The following SOX6 variants were observed in gnomAD, a reference collection of about 807,000 sequenced individuals.
The protein encoded by SOX6 is transcription factor SOX-6.
Under a neutral mutation model 97.8 loss-of-function variants are expected in SOX6, and 11 were observed. That is an observed-to-expected ratio of 0.11 (90% confidence interval 0.07 to 0.19). The LOEUF is 0.19. Ranked by LOEUF, SOX6 falls within the 10% of genes least tolerant of loss-of-function variation. SOX6 has a pLI of 1.00. For synonymous variants in SOX6, 360 were observed against 371.4 expected, an observed-to-expected ratio of 0.97 and a Z score of 0.35; for missense variants, 810 against 1,039.5, an observed-to-expected ratio of 0.78 and a Z score of 3.04.
rs749167637 is a variant in SOX6 at position 15,972,768 on chromosome 11, G to C, written c.*41C>G. 2 of 1,607,186 alleles carry C rather than the reference G, an allele frequency of 1.2e-6. No homozygotes were observed. Among genetic ancestry groups the C allele is most frequent in the East Asian group, 2.2e-5 (1 of 44,830 alleles). On this transcript the variant is annotated 3_prime_UTR_variant, in exon 16 of 16. Transcript: ENST00000683767. Reference sequence around the variant, plus strand: ...TAATAACTCTTTGTTGGGGAGGGGGGTGAAATGTCAGAGTACTTTAATTCA... The same window carrying C: ...TAATAACTCTTTGTTGGGGAGGGGGCTGAAATGTCAGAGTACTTTAATTCA...
chr11:16,402,789 G>T (rs777681270), intron 1 of SOX6: 1 of 1,594,532 alleles, frequency 6.3e-7, no homozygotes, highest in East Asian at 2.3e-5. Flanking sequence ...ATTGTTACAT[G>T]AGACAACAAC....
intron 1 of SOX6, among the ~76,000 whole-genome samples, chr11:16,389,852 C>T (rs1232919310): frequency 6.6e-6 from 1 of 151,382 alleles, no homozygotes; most frequent in Non-Finnish European, 1.5e-5. Context: ...TGCCTGTAGT[C>T]CCAGCTGTTC....
intron 9 of SOX6, among the ~76,000 whole-genome samples, chr11:16,076,735 ATTTTTTTTTTTTTTT>A (rs1156737950): frequency 5.0e-4 from 47 of 94,152 alleles, no homozygotes; most frequent in Non-Finnish European, 7.2e-4. Context: ...GGTACTACAC[ATTTTTTTTTTTTTTT>A]TTTTTTTTTT....
chr11:16,171,637 C>T, intron 6 of SOX6, among the ~76,000 whole-genome samples: 1 of 151,558 alleles, frequency 6.6e-6, no homozygotes, highest in East Asian at 1.9e-4. Context: ...TTAAATAACC[C>T]TTGAAAAAAT....
At chr11:16,569,765 A>T (rs949619695) in intron 4 of SOX6, among the ~76,000 whole-genome samples, 3 of 150,464 alleles carry the variant, frequency 2.0e-5, no homozygotes, top group African/African-American at 7.4e-5. Context: ...GCTACTCGGG[A>T]GGCTGAGGCA....
rs543005318 is a variant in SOX6 at position 16,234,649 on chromosome 11, T to C, written c.468A>G (p.Leu156=). The change falls in exon 4 of 16, where the codon CTA becomes CTG. Residue 156 remains leucine (L), a synonymous_variant. Coordinates refer to ENST00000683767, the MANE Select transcript of SOX6 (RefSeq NM_001367873.1). Reference sequence around the variant, plus strand: ...TTTTTTCCTTCCAATCTTTTGAAAGTAGTTTTTCCATGCAGGAGGAATCTA... The same window carrying C: ...TTTTTTCCTTCCAATCTTTTGAAAGCAGTTTTTCCATGCAGGAGGAATCTA... ...EQEDSSCMEK[L]LSKDWKEKME... The C allele has an allele frequency of 2.8e-5, 45 of 1,592,530 alleles. No individual in the cohort carries two copies. In the African/African-American group the frequency reaches 5.4e-4, roughly 19 times the overall value.
At chr11:16,685,232 A>C (rs1364748442) in intron 3 of SOX6, among the ~76,000 whole-genome samples, 2 of 152,214 alleles carry the variant, frequency 1.3e-5, no homozygotes, top group African/African-American at 4.8e-5. Flanking sequence ...AAAAAAATAC[A>C]ATCATGGCTT....
intron 4 of SOX6, among the ~76,000 whole-genome samples, chr11:16,215,981 C>T (rs1852361852): frequency 6.6e-6 from 1 of 152,072 alleles, no homozygotes; most frequent in Non-Finnish European, 1.5e-5. Context: ...GTGACAAGGG[C>T]AGGAGCTTTA....
chr11:16,138,496 G>T (rs993366359), intron 6 of SOX6, among the ~76,000 whole-genome samples: 2 of 151,374 alleles, frequency 1.3e-5, no homozygotes, highest in Non-Finnish European at 3.0e-5. Context: ...GTTCTTCCCT[G>T]ATCTTTATAA....
chr11:16,695,993 G>C (rs970420918), intron 3 of SOX6, among the ~76,000 whole-genome samples: 1 of 152,188 alleles, frequency 6.6e-6, no homozygotes. Context: ...CCTGGTGACA[G>C]AGTGAATGAG....
intron 4 of SOX6, among the ~76,000 whole-genome samples, chr11:16,510,182 T>C (rs1165441867): frequency 6.6e-6 from 1 of 152,046 alleles, no homozygotes; most frequent in Non-Finnish European, 1.5e-5. Flanking sequence ...ATTGGTACAT[T>C]GCATCATGAT....
intron 6 of SOX6, among the ~76,000 whole-genome samples, chr11:16,165,759 A>G (rs1157699100): frequency 6.6e-6 from 1 of 151,876 alleles, no homozygotes; most frequent in Admixed American, 6.6e-5. Flanking sequence ...TTAGCCAGGC[A>G]TGGTGGCATG....
chr11:16,599,654 A>G (rs1347769214), intron 4 of SOX6, among the ~76,000 whole-genome samples: 27 of 152,270 alleles, frequency 1.8e-4, no homozygotes, highest in Non-Finnish European at 5.9e-5. Context: ...TTAAAAAAGG[A>G]TTTTTTTCCA....
chr11:16,430,655 G>C (rs1416945777), intron 1 of SOX6, among the ~76,000 whole-genome samples: 1 of 152,134 alleles, frequency 6.6e-6, no homozygotes, highest in Non-Finnish European at 1.5e-5. Flanking sequence ...AGATCAGCCA[G>C]TGCCTTAATT....
At chr11:16,706,491 T>A (rs1212390200) in intron 3 of SOX6, among the ~76,000 whole-genome samples, 533 of 10,658 alleles carry the variant, frequency 0.05, 125 homozygotes, top group Non-Finnish European at 0.083. Flanking sequence ...TATATATATA[T>A]ATATATATAT....
intron 4 of SOX6, among the ~76,000 whole-genome samples, chr11:16,197,451 C>T (rs544658540): frequency 4.6e-5 from 7 of 152,282 alleles, no homozygotes; most frequent in Admixed American, 4.6e-4. Context: ...TATATATGAT[C>T]AGGTAACAGG....
At chr11:16,325,321 TC>T (rs998247576) in intron 2 of SOX6, among the ~76,000 whole-genome samples, 1 of 152,056 alleles carries the variant, frequency 6.6e-6, no homozygotes, top group African/African-American at 2.4e-5. Context: ...GTAAATGTGC[TC>T]CCCCACACAC....
At position 16,046,568 on chromosome 11, in the gene SOX6, G is replaced by A. The variant is rs369713124; in HGVS notation, c.1569C>T (p.Asp523=). The change falls in exon 12 of 16, where the codon GAC becomes GAT. Residue 523 remains aspartate (D), a synonymous_variant. Coordinates refer to ENST00000683767, the MANE Select transcript of SOX6 (RefSeq NM_001367873.1). ...TATTATTTATGGAGGACAGTTTCCC[G>A]TCAACACCATGTGGCTGTTGCTGCT... ...EQQQQQPHGV[D]GKLSSINNMG... The A allele has an allele frequency of 4.8e-5, 77 of 1,613,708 alleles. No homozygotes were observed. Among genetic ancestry groups the A allele is most frequent in the Non-Finnish European group, 5.3e-5 (63 of 1,179,778 alleles).
At chr11:16,473,723 T>A (rs1450199398) in intron 1 of SOX6, among the ~76,000 whole-genome samples, 1 of 152,122 alleles carries the variant, frequency 6.6e-6, no homozygotes, top group Admixed American at 6.5e-5. Context: ...GGCTATTTTT[T>A]GTATTTTTAG....
Sources: allele counts gnomAD v4.1 joint callset (sites outside exome capture counted in the v4.1 genomes callset), GRCh38; gene constraint gnomAD v4.1.1; transcripts MANE v1.5; gene names NCBI Gene and HGNC (gene_info 2026-07-23, HGNC 2026-07-21).